NXPE2: variants seen among roughly 807,000 people sequenced by gnomAD.
NXPE2 encodes the protein NXPE family member 2.
NXPE2 carries 34 observed loss-of-function variants against 34.4 expected under a neutral mutation model. That is an observed-to-expected ratio of 0.99 (90% CI 0.75 to 1.31). The LOEUF (loss-of-function observed/expected upper bound fraction) is 1.31, where lower values mean the gene tolerates loss of function less well. Ranked by LOEUF, NXPE2 falls within the 40% of genes most tolerant of loss-of-function variation. The pLI is 0.00. For missense variants in NXPE2, 649 were observed against 672.5 expected (o/e 0.97, Z 0.39); for synonymous variants, 235 against 231.3 (o/e 1.02, Z -0.15).
chr11:114,713,838 T>C, the NXPE2 span, among the ~76,000 whole-genome samples: 1 of 152,186 alleles, frequency 6.6e-6, no homozygotes, highest in Admixed American at 6.5e-5. Context: ...ATCCCAATCT[T>C]CTTTTCCAGT....
chr11:114,587,900 C>T, the NXPE2 span, among the ~76,000 whole-genome samples: 1 of 152,166 alleles, frequency 6.6e-6, no homozygotes, highest in Non-Finnish European at 1.5e-5. Flanking sequence ...TTCTTACCAT[C>T]TTGAACCATC....
the NXPE2 span, among the ~76,000 whole-genome samples, chr11:114,739,030 A>G: frequency 1.3e-5 from 2 of 152,232 alleles, no homozygotes; most frequent in Admixed American, 1.3e-4. Flanking sequence ...GTAGAAGACA[A>G]ATGACTTAGA....
the NXPE2 span, among the ~76,000 whole-genome samples, chr11:114,721,126 C>T: frequency 1.6e-4 from 24 of 152,052 alleles, no homozygotes; most frequent in Non-Finnish European, 2.9e-4. Context: ...GTTAAGATGA[C>T]CCCTCTGAGG....
chr11:114,804,122 C>T, the NXPE2 span, among the ~76,000 whole-genome samples: 1,017 of 152,364 alleles, frequency 6.7e-3, 10 homozygotes, highest in African/African-American at 0.024. Flanking sequence ...CAGTCTGCAG[C>T]CTCTAAGACT....
chr11:114,613,949 A>T, the NXPE2 span, among the ~76,000 whole-genome samples: 2 of 151,062 alleles, frequency 1.3e-5, no homozygotes, highest in Non-Finnish European at 3.0e-5. Context: ...CTCTAGGGTA[A>T]TCACTGTTTA....
chr11:114,577,189 T>TAC, the NXPE2 span, among the ~76,000 whole-genome samples: 4 of 147,478 alleles, frequency 2.7e-5, no homozygotes, highest in Non-Finnish European at 4.5e-5. Context: ...TAAAATGTTA[T>TAC]ACACACACAC....
chr11:114,676,391 A>G (rs1565378006), upstream of NXPE2, among the ~76,000 whole-genome samples: 1 of 123,848 alleles, frequency 8.1e-6, no homozygotes, highest in Non-Finnish European at 1.7e-5. Flanking sequence ...TAAATATAAA[A>G]GAACTCAAAT....
chr11:114,793,814 A>G, the NXPE2 span, among the ~76,000 whole-genome samples: 1 of 152,056 alleles, frequency 6.6e-6, no homozygotes, highest in African/African-American at 2.4e-5. Flanking sequence ...ATTTTAAGAG[A>G]ATTTCGTTCA....
In NXPE2 at chr11:114,706,790, A is replaced by G; in HGVS notation, c.1540A>G (p.Ile514Val). ...DFHGYIQNLI[I>V]RDIFVDLNVG... ...TCATGGCTATATTCAGAATCTTATC[A>G]TAAGAGATATTTTTGTGGATCTTAA... The change falls in exon 6 of 6, where the codon ATA becomes GTA. Residue 514 changes from isoleucine to valine, a missense_variant. Transcript: ENST00000389586. 3 of 1,552,390 alleles carry G rather than the reference A, an allele frequency of 1.9e-6. No homozygotes were observed. The highest frequency in any genetic ancestry group is 1.2e-5 in the South Asian group (1 of 84,056).
chr11:114,771,479 T>C, the NXPE2 span, among the ~76,000 whole-genome samples: 114 of 151,886 alleles, frequency 7.5e-4, no homozygotes, highest in Admixed American at 2.4e-3. Flanking sequence ...ACCAGGCCTG[T>C]GGCCTTCCTT....
chr11:114,480,999 G>C, the NXPE2 span, among the ~76,000 whole-genome samples: 1 of 152,130 alleles, frequency 6.6e-6, no homozygotes, highest in African/African-American at 2.4e-5. Flanking sequence ...CCTCAAACAA[G>C]ATACCAGAGT....
chr11:114,587,104 C>T, the NXPE2 span, among the ~76,000 whole-genome samples: 1 of 152,096 alleles, frequency 6.6e-6, no homozygotes, highest in Non-Finnish European at 1.5e-5. Context: ...TCTTAACTTC[C>T]TAATTCTCGC....
At chr11:114,804,282 A>G in the NXPE2 span, among the ~76,000 whole-genome samples, 2 of 152,152 alleles carry the variant, frequency 1.3e-5, no homozygotes, top group Admixed American at 6.5e-5. Flanking sequence ...AGGTTAAGAG[A>G]TTTGCTCTGG....
intron 2 of NXPE2, 32 bp from the exon 3 acceptor site, chr11:114,698,013 A>G (rs771769806): frequency 4.2e-6 from 6 of 1,443,944 alleles, no homozygotes; most frequent in Non-Finnish European, 5.5e-6. Flanking sequence ...TTGTTTGCTG[A>G]TGATATTTTC....
At chr11:114,466,314 A>T in the NXPE2 span, among the ~76,000 whole-genome samples, 38,596 of 151,966 alleles carry the variant, frequency 0.25, 5,038 homozygotes, top group East Asian at 0.37. Context: ...ATATCTCGAT[A>T]TTTGAAAACC....
chr11:114,625,714 G>A, the NXPE2 span, among the ~76,000 whole-genome samples: 7 of 152,282 alleles, frequency 4.6e-5, no homozygotes, highest in East Asian at 1.4e-3. Context: ...ACAGCTCCCA[G>A]CATGAGCGAC....
chr11:114,571,073 C>G, the NXPE2 span: 1 of 1,613,962 alleles, frequency 6.2e-7, no homozygotes, highest in Non-Finnish European at 8.5e-7. Flanking sequence ...GGAAAATGTC[C>G]TTTATGATGA....
the NXPE2 span, among the ~76,000 whole-genome samples, chr11:114,576,329 A>G: frequency 6.9e-6 from 1 of 144,272 alleles, no homozygotes; most frequent in African/African-American, 2.6e-5. Context: ...AGCAAATGCA[A>G]CAAAAACAAA....
chr11:114,663,637 C>CATCTATCATCT, the NXPE2 span, among the ~76,000 whole-genome samples: 44 of 138,868 alleles, frequency 3.2e-4, no homozygotes, highest in Non-Finnish European at 4.5e-4. Flanking sequence ...ATCTATCTAT[C>CATCTATCATCT]ATCTATCCAT....
Sources: gnomAD v4.1 joint callset for allele counts (sites outside exome capture counted in the v4.1 genomes callset) on GRCh38, gnomAD v4.1.1 for gene constraint, MANE v1.5 for transcripts, NCBI Gene and HGNC (gene_info 2026-07-23, HGNC 2026-07-21) for gene names.